Variants in ADCK2 observed in about 807,000 individuals in gnomAD.
ADCK2 encodes aarF domain containing kinase 2.
In ADCK2, 37 loss-of-function variants were observed where a neutral mutation model predicts 52.3. The observed-to-expected ratio is 0.71, with a 90% CI of 0.54 to 0.93. ADCK2 has a LOEUF of 0.93. ADCK2 is among the 40% of genes least tolerant of loss of function. The pLI is 0.00. For missense variants in ADCK2, 695 were observed against 798.7 expected (o/e 0.87, Z 1.56); for synonymous variants, 321 against 349.2 (o/e 0.92, Z 0.90).
rs189881822 is a variant in ADCK2, at chr7:140,678,435, C to T, written c.1081-720C>T. The stretch of plus-strand genomic sequence containing the variant: ...ATCAAGGTGCTGTCAGAGGAGGCGC[C>T]GGCTGAGGGCTTGGTGGCTGTCAAG... On this transcript the variant is annotated intron_variant, in intron 2 of 7. Coordinates refer to ENST00000072869, the MANE Select transcript of ADCK2 (RefSeq NM_052853.4). This position sits in a 1 kb window ranked among gnomAD's most constrained non-coding sequence, Gnocchi z 4.9. 1.7e-3 allele frequency among the ~76,000 whole-genome samples: 260 copies of T among 152,178 alleles called. 2 individuals are homozygous for T. The highest frequency in any genetic ancestry group is 4.8e-3 in the African/African-American group (201 of 41,516).
At position 140,690,764 on chromosome 7, in the gene ADCK2, A is replaced by G. The variant is rs1794690331; in HGVS notation, c.1691A>G (p.His564Arg). 6.2e-7 allele frequency: 1 copy of G among 1,612,752 alleles called. No individual in the cohort carries two copies. Among genetic ancestry groups the G allele is most frequent in the Non-Finnish European group, 8.5e-7 (1 of 1,179,688 alleles). The change falls in exon 7 of 8, where the codon CAT (histidine) becomes CGT (arginine). Residue 564 changes from histidine to arginine, a missense_variant. Physicochemically the swap from His to Arg is conservative, Grantham distance 29. Transcript: ENST00000072869. ...RKNTITLEKLHVSSLLSSVFK... is the reference protein window; with the variant it reads ...RKNTITLEKLRVSSLLSSVFK... ...GCCTTTATTTTGTTTTTCCAGCTTC[A>G]TGTGTCCAGCCTTCTCTCTAGTGTC...
chr7:140,677,532 C>T (rs747272395), intron 2 of ADCK2, among the ~76,000 whole-genome samples: 32 of 151,440 alleles, frequency 2.1e-4, no homozygotes, highest in Non-Finnish European at 3.8e-4. Flanking sequence ...ACTTTTTTTT[C>T]TTGCATTATT....
Position 140,674,882 on chromosome 7 carries a change from G to T in ADCK2, c.1080+125G>T. 2.5e-6 allele frequency: 3 copies of T among 1,178,884 alleles called. No individual in the cohort carries two copies. The highest frequency in any genetic ancestry group is 3.5e-6 in the Non-Finnish European group (3 of 863,784). 73.0% of individuals were successfully genotyped at this position (1,178,884 alleles called of 1,614,324 possible). A position where few individuals can be genotyped will look rare whatever the true frequency, so the allele number is the denominator to read the frequency against. ...TAACTCATGTGATGTGTTAGAGCTG[G>T]TAACACTAGCTGATAAAGAACATCC... On this transcript the variant is annotated intron_variant, in intron 2 of 7. Coordinates refer to ENST00000072869, the MANE Select transcript of ADCK2 (RefSeq NM_052853.4). The surrounding 1 kb of genome is among the most constrained non-coding windows in gnomAD (Gnocchi z 4.6).
intron 2 of ADCK2, 129 bp from the exon 3 acceptor site, chr7:140,679,026 C>A: frequency 1.6e-6 from 2 of 1,247,490 alleles, no homozygotes; most frequent in Non-Finnish European, 2.2e-6. Context: ...AGTTTCTGGG[C>A]AAGTTCTGCG....
At chr7:140,680,621 A>G (rs2130783615) in intron 3 of ADCK2, among the ~76,000 whole-genome samples, 1 of 152,288 alleles carries the variant, frequency 6.6e-6, no homozygotes, top group Non-Finnish European at 1.5e-5. Context: ...CAATAAACCT[A>G]TGTGACTTGT....
chr7:140,690,774 C>T lies in ADCK2; in HGVS notation c.1701C>T (p.Ser567=), dbSNP rs192475820. 6.2e-7 allele frequency: 1 copy of T among 1,613,454 alleles called. No individual in the cohort carries two copies. The highest frequency in any genetic ancestry group is 8.5e-7 in the Non-Finnish European group (1 of 1,179,916). ...TGTTTTTCCAGCTTCATGTGTCCAG[C>T]CTTCTCTCTAGTGTCTTTAAGTTGC... ...TITLEKLHVS[S]LLSSVFKLLM... Residue 567 remains serine (S), a synonymous_variant, in exon 7 of 8, where the codon AGC becomes AGT. Transcript: ENST00000072869.
At chr7:140,687,306 A>G (rs1471584310) in intron 5 of ADCK2, 65 bp downstream of exon 5, 2 of 1,488,968 alleles carry the variant, frequency 1.3e-6, no homozygotes, top group Admixed American at 2.2e-5. Context: ...CTGGTGAAGC[A>G]TGGTGGCTCA....
Position 140,674,137 on chromosome 7 carries a change from C to T in ADCK2, c.807C>T (p.Asp269=). Residue 269 remains aspartate, a synonymous_variant, in exon 1 of 8, where the codon GAC becomes GAT. Transcript: ENST00000072869. This position sits in a 1 kb window ranked among gnomAD's most constrained non-coding sequence, Gnocchi z 4.6. ...NGRKPPENLA[D]QSFLERLLLP... The stretch of plus-strand genomic sequence containing the variant: ...GGAAACCTCCAGAAAATCTCGCAGA[C>T]CAGTCGTTTCTAGAAAGGCTGCTCC... The T allele has an allele frequency of 6.2e-7, 1 of 1,614,090 alleles. No individual in the cohort carries two copies. The highest frequency in any genetic ancestry group is 1.1e-5 in the South Asian group (1 of 91,078).
Position 140,673,566 on chromosome 7 carries a change from G to A in ADCK2, c.236G>A (p.Gly79Glu), listed in dbSNP as rs1801671358. Reference protein sequence around the residue: ...RVRCSGAAGAGPAESLPRAGP... With the variant: ...RVRCSGAAGAEPAESLPRAGP... ...CGCTGCAGCGGGGCGGCTGGCGCGGGGCCCGCGGAGAGCCTCCCCCGAGCG... is the reference window on the plus strand; with the variant it reads ...CGCTGCAGCGGGGCGGCTGGCGCGGAGCCCGCGGAGAGCCTCCCCCGAGCG... Residue 79 changes from glycine to glutamate, a missense_variant, in exon 1 of 8, where the codon GGG becomes GAG. Transcript: ENST00000072869. This position sits in a 1 kb window ranked among gnomAD's most constrained non-coding sequence, Gnocchi z 6.4. 2 of 1,601,430 alleles carry A rather than the reference G, an allele frequency of 1.2e-6. No individual in the cohort carries two copies. Among genetic ancestry groups the A allele is most frequent in the African/African-American group, 1.3e-5 (1 of 74,776 alleles).
In ADCK2 at chr7:140,673,930, T is replaced by G. The variant is rs1344970138; in HGVS notation, c.600T>G (p.Phe200Leu). 1.2e-6 allele frequency: 2 copies of G among 1,613,882 alleles called. No individual in the cohort carries two copies. The highest frequency in any genetic ancestry group is 2.7e-5 in the African/African-American group (2 of 74,940). Residue 200 changes from phenylalanine to leucine, a missense_variant, in exon 1 of 8, where the codon TTT becomes TTG. Physicochemically the swap from Phe to Leu is conservative, Grantham distance 22. Coordinates refer to ENST00000072869, the MANE Select transcript of ADCK2 (RefSeq NM_052853.4). The surrounding 1 kb of genome is among the most constrained non-coding windows in gnomAD (Gnocchi z 6.4). ...FGDDWGSILS[F>L]ENREPVGSGC... ...ATGACTGGGGGAGCATCCTCTCTTT[T>G]GAGAACCGGGAACCTGTGGGCTCAG...
In ADCK2 at chr7:140,674,610, G is replaced by A. The variant is rs775907482; in HGVS notation, c.934-1G>A. The A allele has an allele frequency of 2.5e-6, 4 of 1,607,432 alleles. No individual in the cohort carries two copies. In the African/African-American group the frequency reaches 5.3e-5, roughly 21 times the overall value. On this transcript the variant is annotated splice_acceptor_variant, in intron 1 of 7. Transcript: ENST00000072869. LOFTEE classifies it high-confidence loss of function. The surrounding 1 kb of genome is among the most constrained non-coding windows in gnomAD (Gnocchi z 4.6). ...TGTCTCACGGTTCCTCTTTCTGACA[G>A]GTGTTGCACCCTGGCCTGCTCGCTC... is the stretch of plus-strand genomic sequence containing the variant.
At chr7:140,687,747 G>A (rs1053481468) in intron 5 of ADCK2, among the ~76,000 whole-genome samples, 1 of 151,734 alleles carries the variant, frequency 6.6e-6, no homozygotes, top group Non-Finnish European at 1.5e-5. Flanking sequence ...GCTTGGTGGT[G>A]TGCGCCTGTG....
chr7:140,681,615 C>T lies in ADCK2; in HGVS notation c.1305+478C>T, dbSNP rs949754157. Among the ~76,000 whole-genome samples the T allele has an allele frequency of 5.9e-5, 9 of 151,882 alleles. No homozygotes were observed. The East Asian group carries it at 1.2e-3, about 20-fold the overall frequency. Reference sequence around the variant, plus strand: ...GATTACAGGTGTGAACCACCACACCCGGCCTTTTTTTTCCTTTTTTAAGAT... The same window carrying T: ...GATTACAGGTGTGAACCACCACACCTGGCCTTTTTTTTCCTTTTTTAAGAT... On this transcript the variant is annotated intron_variant, in intron 4 of 7. Transcript: ENST00000072869.
chr7:140,689,357 G>C (rs1350133768), intron 5 of ADCK2, among the ~76,000 whole-genome samples: 1 of 152,174 alleles, frequency 6.6e-6, no homozygotes, highest in Non-Finnish European at 1.5e-5. Context: ...GGGGCCTGCA[G>C]CTGGTTTGAA....
At chr7:140,694,355 G>A (rs959696845) in intron 7 of ADCK2, among the ~76,000 whole-genome samples, 8 of 152,210 alleles carry the variant, frequency 5.3e-5, no homozygotes, top group African/African-American at 1.9e-4. Context: ...GTATTTAAAT[G>A]TATAGTTTCT....
chr7:140,673,727 C>T lies in ADCK2; in HGVS notation c.397C>T (p.Leu133=). Residue 133 remains leucine (L), a synonymous_variant, in exon 1 of 8, where the codon CTG becomes TTG. Transcript: ENST00000072869. This position sits in a 1 kb window ranked among gnomAD's most constrained non-coding sequence, Gnocchi z 6.4. The part of the protein sequence containing the change: ...APSVSTLWLH[L]LLKATETSGP... ...CAGCGTCTCCACCCTCTGGCTCCAC[C>T]TGCTTCTGAAAGCCACCGAGACCTC... is the stretch of plus-strand genomic sequence containing the variant. 6.2e-7 allele frequency: 1 copy of T among 1,612,456 alleles called. No individual in the cohort carries two copies. Among genetic ancestry groups the T allele is most frequent in the Non-Finnish European group, 8.5e-7 (1 of 1,179,810 alleles).
intron 7 of ADCK2, among the ~76,000 whole-genome samples, chr7:140,692,398 C>G (rs1794724626): frequency 6.6e-6 from 1 of 152,232 alleles, no homozygotes; most frequent in African/African-American, 2.4e-5. Context: ...CACTGTGTCA[C>G]CGAGGCTGGA....
chr7:140,679,068 TC>T, intron 2 of ADCK2, 86 bp from the exon 3 acceptor site: 2 of 1,521,638 alleles, frequency 1.3e-6, no homozygotes, highest in Non-Finnish European at 1.8e-6. Context: ...GGGGTGGATC[TC>T]ATGACTTGCT....
chr7:140,692,182 C>T (rs1295138974), intron 7 of ADCK2, among the ~76,000 whole-genome samples: 1 of 152,190 alleles, frequency 6.6e-6, no homozygotes, highest in African/African-American at 2.4e-5. Flanking sequence ...AGCCATTGAC[C>T]AGCTCCCCAT....
Sources: allele counts gnomAD v4.1 joint callset (sites outside exome capture counted in the v4.1 genomes callset), GRCh38; gene constraint gnomAD v4.1.1; non-coding constraint Gnocchi (gnomAD v3.1); transcripts MANE v1.5; gene names NCBI Gene and HGNC (gene_info 2026-07-23, HGNC 2026-07-21).